The following P2RX1 variants were observed in gnomAD, a reference collection of about 807,000 sequenced individuals.
The protein encoded by P2RX1 is purinergic receptor P2X 1.
P2RX1 carries 42 observed loss-of-function variants against 50.3 expected under a neutral mutation model. The observed-to-expected ratio is 0.83, with a 90% CI of 0.65 to 1.08. The LOEUF (loss-of-function observed/expected upper bound fraction) is 1.08, where lower values mean the gene tolerates loss of function less well. Among genes scored for constraint, P2RX1 ranks in the 50% least tolerant of loss-of-function variants. P2RX1 has a pLI of 0.00. For missense variants in P2RX1, 449 were observed against 529.0 expected (o/e 0.85, Z 1.48); for synonymous variants, 199 against 202.6 (o/e 0.98, Z 0.15).
chr17:3,898,136 C>T, intron 10 of P2RX1, 26 bp from the exon 11 acceptor site: 1 of 1,597,348 alleles, frequency 6.3e-7, no homozygotes. Context: ...GGCACGGAGA[C>T]AGCGTGGGAA....
At chr17:3,904,166 C>T in intron 4 of P2RX1, 142 bp from the exon 5 acceptor site, 2 of 1,016,758 alleles carry the variant, frequency 2.0e-6, no homozygotes. Context: ...GACGGGCAGG[C>T]CAAGCCAGGG....
chr17:3,916,167 CG>C lies in P2RX1; in HGVS notation c.58del (p.Arg20AlafsTer16). ...CTTCTTATTACGCACCAGCACCATGCGGGGGGTGTCATACTCGAAGAGGAAG... is the reference window on the plus strand; with the variant it reads ...CTTCTTATTACGCACCAGCACCATGCGGGGGTGTCATACTCGAAGAGGAAG... ...AAFLFEYDTP[R>X]MVLVRNKKVG... On this transcript the variant is annotated frameshift_variant, in exon 1 of 12. Transcript: ENST00000225538. LOFTEE classifies it high-confidence loss of function. 1.2e-6 allele frequency: 2 copies of C among 1,613,434 alleles called. No individual in the cohort carries two copies. The highest frequency in any genetic ancestry group is 1.7e-6 in the Non-Finnish European group (2 of 1,179,994).
intron 7 of P2RX1, among the ~76,000 whole-genome samples, chr17:3,901,359 A>T (rs180737756): frequency 1.7e-4 from 26 of 152,068 alleles, no homozygotes; most frequent in African/African-American, 6.3e-4. Flanking sequence ...GAGCCACCGC[A>T]CCCAGCCCTG....
intron 1 of P2RX1, among the ~76,000 whole-genome samples, chr17:3,911,672 G>T (rs915836505): frequency 4.6e-5 from 7 of 152,202 alleles, no homozygotes; most frequent in Admixed American, 3.3e-4. Context: ...AGAAATCCGG[G>T]CGCCTCAGCC....
chr17:3,900,233 A>T (rs2056112717), intron 7 of P2RX1, among the ~76,000 whole-genome samples: 1 of 152,152 alleles, frequency 6.6e-6, no homozygotes, highest in African/African-American at 2.4e-5. Context: ...TGGGCAGATC[A>T]CTTGAGATCA....
intron 7 of P2RX1, among the ~76,000 whole-genome samples, chr17:3,901,205 T>C (rs75525326): frequency 8.5e-5 from 13 of 152,270 alleles, no homozygotes; most frequent in East Asian, 5.8e-4. Flanking sequence ...GTAGCTGAGA[T>C]TACAGGTGCC....
intron 7 of P2RX1, among the ~76,000 whole-genome samples, chr17:3,901,282 T>A (rs571287203): frequency 6.6e-6 from 1 of 152,232 alleles, no homozygotes; most frequent in Non-Finnish European, 1.5e-5. Context: ...TTAGCCAGGA[T>A]GGTCTCGATC....
intron 7 of P2RX1, among the ~76,000 whole-genome samples, chr17:3,902,211 C>T (rs994741897): frequency 2.0e-5 from 3 of 151,956 alleles, no homozygotes; most frequent in African/African-American, 4.8e-5. Context: ...CTGCAACCTC[C>T]GCCTCCCGGG....
At position 3,903,134 on chromosome 17, in the gene P2RX1, G is replaced by A. The variant is rs1023951516; in HGVS notation, c.747+68C>T. The A allele has an allele frequency of 1.2e-6, 2 of 1,601,794 alleles. No homozygotes were observed. The highest frequency in any genetic ancestry group is 1.3e-5 in the African/African-American group (1 of 74,758). On this transcript the variant is annotated intron_variant, in intron 7 of 11. Transcript: ENST00000225538. This position sits in a 1 kb window ranked among gnomAD's most constrained non-coding sequence, Gnocchi z 4.6. ...GAGGAGACTTGGGAAGATGAACTGGGCCTAAAAAGCCTTTATCAGGATCCT... is the reference window on the plus strand; with the variant it reads ...GAGGAGACTTGGGAAGATGAACTGGACCTAAAAAGCCTTTATCAGGATCCT...
Position 3,897,507 on chromosome 17 carries a change from A to T in P2RX1, c.*307T>A. On this transcript the variant is annotated 3_prime_UTR_variant, in exon 12 of 12. Transcript: ENST00000225538. ...TGGAGGCAGCGGGTTGGATAATGAGAGTCCGGAGAGAGAAGCACGAAGCTA... is the reference window on the plus strand; with the variant it reads ...TGGAGGCAGCGGGTTGGATAATGAGTGTCCGGAGAGAGAAGCACGAAGCTA... 1.9e-6 allele frequency: 1 copy of T among 514,082 alleles called. No individual in the cohort carries two copies. Among genetic ancestry groups the T allele is most frequent in the Admixed American group, 3.2e-5 (1 of 31,340 alleles). 31.8% of individuals were successfully genotyped at this position (514,082 alleles called of 1,614,324 possible). A position where few individuals can be genotyped will look rare whatever the true frequency, so the allele number is the denominator to read the frequency against.
chr17:3,904,815 C>T (rs1267266981), intron 3 of P2RX1, 43 bp downstream of exon 3: 1 of 1,468,792 alleles, frequency 6.8e-7, no homozygotes. Context: ...CGTCATTTTC[C>T]CCTGTGAGTC....
In P2RX1 at chr17:3,915,953, CAGTGG is replaced by C. The variant is rs1567661094; in HGVS notation, c.137+131_137+135del. On this transcript the variant is annotated intron_variant, in intron 1 of 11. Coordinates refer to ENST00000225538, the MANE Select transcript of P2RX1 (RefSeq NM_002558.4). ...GTTGGCAGGATTTTCTATTCTCGCA[CAGTGG>C]CTTGCCAGGAAGGCCTTCCCCTGGA... is the stretch of plus-strand genomic sequence containing the variant. 6.6e-6 allele frequency: 7 copies of C among 1,053,484 alleles called. No homozygotes were observed. In the Admixed American group the frequency reaches 1.4e-4, roughly 21 times the overall value. 65.3% of individuals were successfully genotyped at this position (1,053,484 alleles called of 1,614,324 possible).
chr17:3,905,583 C>T lies in P2RX1; in HGVS notation c.138-216G>A, dbSNP rs148552804. ...TCACTATGAAAATGCTAATTCAGGACGGGCGTGCCATCCCAGCATTTTGGG... is the reference window on the plus strand; with the variant it reads ...TCACTATGAAAATGCTAATTCAGGATGGGCGTGCCATCCCAGCATTTTGGG... On this transcript the variant is annotated intron_variant, in intron 1 of 11. Coordinates refer to ENST00000225538, the MANE Select transcript of P2RX1 (RefSeq NM_002558.4). Among the ~76,000 whole-genome samples, 482 of 152,288 alleles carry T rather than the reference C, an allele frequency of 3.2e-3. 3 individuals are homozygous for T. Among genetic ancestry groups the T allele is most frequent in the Middle Eastern group, 0.014 (4 of 294 alleles).
At position 3,900,066 on chromosome 17, in the gene P2RX1, A is replaced by C. The variant is rs190033698; in HGVS notation, c.748-305T>G. Among the ~76,000 whole-genome samples the C allele has an allele frequency of 3.5e-3, 537 of 152,036 alleles. 3 individuals carry two copies. The highest frequency in any genetic ancestry group is 0.012 in the African/African-American group (492 of 41,448). ...CAGTGAGCCGAGATCCCACCACTGCACTCTAGCCTGGGTGCAGAGCCAGAC... is the reference window on the plus strand; with the variant it reads ...CAGTGAGCCGAGATCCCACCACTGCCCTCTAGCCTGGGTGCAGAGCCAGAC... On this transcript the variant is annotated intron_variant, in intron 7 of 11. Coordinates refer to ENST00000225538, the MANE Select transcript of P2RX1 (RefSeq NM_002558.4).
intron 4 of P2RX1, 70 bp from the exon 5 acceptor site, chr17:3,904,094 G>C: frequency 7.7e-7 from 1 of 1,301,306 alleles, no homozygotes; most frequent in Non-Finnish European, 1.1e-6. Flanking sequence ...CCTTCTCCAG[G>C]AGCTCCCAGT....
chr17:3,912,293 A>G (rs1597529690), intron 1 of P2RX1, among the ~76,000 whole-genome samples: 1 of 150,708 alleles, frequency 6.6e-6, no homozygotes, highest in Non-Finnish European at 1.5e-5. Context: ...GGATACCCCC[A>G]CCTTTCCTTT....
At position 3,903,648 on chromosome 17, in the gene P2RX1, G is replaced by A. The variant is rs755617784; in HGVS notation, c.525-17C>T. Reference sequence around the variant, plus strand: ...AGGGCAGGGCTGGAGGACACCACACGCACTCACCGCCCCTCCCCAGGAGGC... The same window carrying A: ...AGGGCAGGGCTGGAGGACACCACACACACTCACCGCCCCTCCCCAGGAGGC... On this transcript the variant is annotated splice_polypyrimidine_tract_variant and intron_variant, in intron 5 of 11. Transcript: ENST00000225538. This position sits in a 1 kb window ranked among gnomAD's most constrained non-coding sequence, Gnocchi z 4.6. The A allele has an allele frequency of 1.6e-5, 25 of 1,611,784 alleles. No individual in the cohort carries two copies. The highest frequency in any genetic ancestry group is 5.5e-5 in the South Asian group (5 of 91,048).
chr17:3,904,419 CT>C lies in P2RX1; in HGVS notation c.358-21del. On this transcript the variant is annotated intron_variant, in intron 3 of 11. Coordinates refer to ENST00000225538, the MANE Select transcript of P2RX1 (RefSeq NM_002558.4). ...TGGGTGCTGGGGGAGGCAAAAGCTG[CT>C]GGTCCCAGGCCCCTTGGGTGGGGTC... The C allele has an allele frequency of 6.2e-7, 1 of 1,610,082 alleles. No homozygotes were observed. Among genetic ancestry groups the C allele is most frequent in the Non-Finnish European group, 8.5e-7 (1 of 1,177,722 alleles).
rs1022224193 is a variant in P2RX1 at position 3,898,411 on chromosome 17, G to A, written c.1032+73C>T. The A allele has an allele frequency of 2.8e-5, 34 of 1,206,582 alleles. No individual in the cohort carries two copies. In the South Asian group the frequency reaches 3.2e-4, roughly 11 times the overall value. The allele number at this position is 1,206,582 out of a possible 1,614,324, so 74.7% of individuals were successfully genotyped here. A position where few individuals can be genotyped will look rare whatever the true frequency, so the allele number is the denominator to read the frequency against. ...AGGGTCAAGTTTTAGGGTGAGGGAC[G>A]TCTTGCTGCTACTGAATTGTGGAAG... On this transcript the variant is annotated intron_variant, in intron 10 of 11. Coordinates refer to ENST00000225538, the MANE Select transcript of P2RX1 (RefSeq NM_002558.4).
Sources: gnomAD v4.1 joint callset for allele counts (sites outside exome capture counted in the v4.1 genomes callset) on GRCh38, gnomAD v4.1.1 for gene constraint, Gnocchi (gnomAD v3.1) non-coding constraint, MANE v1.5 for transcripts, NCBI Gene and HGNC (gene_info 2026-07-23, HGNC 2026-07-21) for gene names.